C11orf58: variants seen among roughly 807,000 people sequenced by gnomAD.
C11orf58 encodes small acidic protein.
In C11orf58, 5 loss-of-function variants were observed where a neutral mutation model predicts 22.7. That is an observed-to-expected ratio of 0.22 (90% CI 0.12 to 0.46). The LOEUF is 0.46. Among genes scored for constraint, C11orf58 ranks in the 20% least tolerant of loss-of-function variants. The probability of loss-of-function intolerance (pLI) is 0.99; values close to 1 mark genes in which losing one functional copy is unlikely to be tolerated. For synonymous variants in C11orf58, 71 were observed against 70.7 expected (o/e 1.00, Z -0.02); for missense variants, 151 against 223.3 (o/e 0.68, Z 2.06).
intron 2 of C11orf58, 36 bp from the exon 3 acceptor site, chr11:16,748,061 G>A (rs760268695): frequency 4.0e-6 from 6 of 1,516,604 alleles, no homozygotes; most frequent in Middle Eastern, 3.5e-4. Context: ...TAAATTAGTG[G>A]TCTCAAATGC....
Position 16,757,517 on chromosome 11 carries a change from A to C in C11orf58, c.*2413A>C, listed in dbSNP as rs1848589862. ...GGCCTGGTTTCCTAGCACCCATTAA[A>C]CATAATGCTATCTTTTAAGCCTGAA... is the stretch of plus-strand genomic sequence containing the variant. On this transcript the variant is annotated 3_prime_UTR_variant, in exon 5 of 5. Coordinates refer to ENST00000228136, the MANE Select transcript of C11orf58 (RefSeq NM_014267.6). Among the ~76,000 whole-genome samples the C allele has an allele frequency of 6.6e-6, 1 of 152,236 alleles. No individual in the cohort carries two copies. The highest frequency in any genetic ancestry group is 2.4e-5 in the African/African-American group (1 of 41,460).
intron 4 of C11orf58, chr11:16,753,937 C>A: frequency 1.8e-6 from 1 of 561,330 alleles, no homozygotes. Flanking sequence ...TGGGTTCAAG[C>A]GATCTTTCCG....
intron 4 of C11orf58, among the ~76,000 whole-genome samples, chr11:16,754,222 A>G (rs1029202102): frequency 2.6e-5 from 4 of 152,172 alleles, no homozygotes; most frequent in African/African-American, 4.8e-5. Flanking sequence ...AGTGGTTAAC[A>G]TGCCTTATTA....
chr11:16,739,827 C>T (rs1443584925), intron 1 of C11orf58, among the ~76,000 whole-genome samples: 2 of 152,010 alleles, frequency 1.3e-5, no homozygotes, highest in Non-Finnish European at 2.9e-5. Context: ...TTTCTGAATA[C>T]ATAGAGCTTT....
intron 1 of C11orf58, chr11:16,744,325 G>T (rs1486536914): frequency 5.8e-6 from 2 of 343,448 alleles, no homozygotes; most frequent in Middle Eastern, 8.8e-4. Context: ...TAGCCCTGCA[G>T]TCTGTTTTAA....
intron 1 of C11orf58, among the ~76,000 whole-genome samples, chr11:16,741,604 C>T (rs1203519818): frequency 6.6e-6 from 1 of 152,230 alleles, no homozygotes; most frequent in Non-Finnish European, 1.5e-5. Context: ...CACAGCAGGA[C>T]GTGAGCTGTG....
chr11:16,745,839 AATTGAAAAG>A (rs1848483394), intron 2 of C11orf58, among the ~76,000 whole-genome samples: 1 of 152,242 alleles, frequency 6.6e-6, no homozygotes, highest in South Asian at 2.1e-4. Flanking sequence ...CTACAAACTA[AATTGAAAAG>A]AAATAGGAAA....
chr11:16,752,001 A>G (rs938354755), intron 3 of C11orf58: 9 of 152,232 alleles, frequency 5.9e-5, no homozygotes, highest in African/African-American at 9.7e-5. Flanking sequence ...TCCATTTCCA[A>G]CCTCCTGTCT....
At chr11:16,750,788 A>G (rs1245088047) in intron 3 of C11orf58, 1 of 152,804 alleles carries the variant, frequency 6.5e-6, no homozygotes, top group African/African-American at 2.4e-5. Context: ...TATCAGGAAA[A>G]CTGAATTGGT....
rs1848566390 is a variant in C11orf58, at chr11:16,755,159, G to A, written c.*55G>A. On this transcript the variant is annotated 3_prime_UTR_variant, in exon 5 of 5. Transcript: ENST00000228136. Reference sequence around the variant, plus strand: ...GTAAGCCTTATTGTTACAATGCACAGTGGAGGACTGCTTATAGAGCACAGA... The same window carrying A: ...GTAAGCCTTATTGTTACAATGCACAATGGAGGACTGCTTATAGAGCACAGA... 12 of 1,565,786 alleles carry A rather than the reference G, an allele frequency of 7.7e-6. No individual in the cohort carries two copies. The highest frequency in any genetic ancestry group is 7.0e-5 in the South Asian group (6 of 85,776).
At chr11:16,751,860 CA>C (rs1848535942) in intron 3 of C11orf58, 1 of 152,330 alleles carries the variant, frequency 6.6e-6, no homozygotes, top group African/African-American at 2.4e-5. Flanking sequence ...AGAAGAGGAT[CA>C]GCTGCTTAAG....
chr11:16,753,350 T>A (rs925988096), intron 4 of C11orf58, among the ~76,000 whole-genome samples: 29 of 152,102 alleles, frequency 1.9e-4, no homozygotes, highest in African/African-American at 6.3e-4. Flanking sequence ...ATTACAGGTG[T>A]GAGCCACCAT....
intron 2 of C11orf58, 115 bp downstream of exon 2, chr11:16,744,799 T>A: frequency 1.0e-6 from 1 of 974,528 alleles, no homozygotes; most frequent in Non-Finnish European, 1.5e-6. Flanking sequence ...TTCTGTGTGA[T>A]TTCTTTTGGC....
At chr11:16,746,532 T>C (rs765372605) in intron 2 of C11orf58, among the ~76,000 whole-genome samples, 1 of 152,214 alleles carries the variant, frequency 6.6e-6, no homozygotes, top group African/African-American at 2.4e-5. Flanking sequence ...AAGTGAGGAC[T>C]TAAAAGATTT....
intron 2 of C11orf58, among the ~76,000 whole-genome samples, chr11:16,745,946 C>T (rs1848484566): frequency 6.6e-6 from 1 of 152,044 alleles, no homozygotes. Flanking sequence ...TTCATTTTCC[C>T]AACAATTACA....
Position 16,757,810 on chromosome 11 carries a change from A to T in C11orf58, c.*2706A>T, listed in dbSNP as rs1409598769. On this transcript the variant is annotated 3_prime_UTR_variant, in exon 5 of 5. Transcript: ENST00000228136. ...AGAATGTTTGCAGATGCAGATTGCA[A>T]TGTTGTTTGTATTCATAGGCAAAAG... is the stretch of plus-strand genomic sequence containing the variant. 6.6e-6 allele frequency among the ~76,000 whole-genome samples: 1 copy of T among 152,226 alleles called. No individual in the cohort carries two copies. Among genetic ancestry groups the T allele is most frequent in the Admixed American group, 6.5e-5 (1 of 15,278 alleles).
intron 4 of C11orf58, chr11:16,753,878 T>C (rs1206558229): frequency 7.9e-6 from 4 of 504,808 alleles, no homozygotes. Context: ...TTTGTATTTT[T>C]TGTAGAGACG....
In C11orf58 at chr11:16,748,313, G is replaced by A. The variant is rs143855553; in HGVS notation, c.208+156G>A. 1,189 of 562,634 alleles carry A rather than the reference G, an allele frequency of 2.1e-3. 9 individuals carry two copies. The highest frequency in any genetic ancestry group is 0.021 in the African/African-American group (1,092 of 52,404). The allele number at this position is 562,634 out of a possible 1,614,324, so 34.9% of individuals were successfully genotyped here. On this transcript the variant is annotated intron_variant, in intron 3 of 4. Transcript: ENST00000228136. The stretch of plus-strand genomic sequence containing the variant: ...GCAGTGGCTTAATGCCTGTAATCCC[G>A]GTTATTTGGGAGGTTAAAGTGGGAG...
In C11orf58 at chr11:16,742,899, C is replaced by G. The variant is rs1295057804; in HGVS notation, c.64-1702C>G. Among the ~76,000 whole-genome samples, 3 of 152,086 alleles carry G rather than the reference C, an allele frequency of 2.0e-5. No homozygotes were observed. The East Asian group carries it at 5.8e-4, about 29-fold the overall frequency. On this transcript the variant is annotated intron_variant, in intron 1 of 4. Coordinates refer to ENST00000228136, the MANE Select transcript of C11orf58 (RefSeq NM_014267.6). ...CCACCTCTTTGGCAAATCTTGCATA[C>G]TCAAGTTCTGCAGCCAGCCCTGTGG... is the stretch of plus-strand genomic sequence containing the variant.
Sources: allele counts gnomAD v4.1 joint callset (sites outside exome capture counted in the v4.1 genomes callset), GRCh38; gene constraint gnomAD v4.1.1; transcripts MANE v1.5; gene names NCBI Gene and HGNC (gene_info 2026-07-23, HGNC 2026-07-21).